Variants in PPP1R14C observed in about 807,000 individuals in gnomAD.
The protein encoded by PPP1R14C is protein phosphatase 1 regulatory inhibitor subunit 14C.
PPP1R14C carries 16 observed loss-of-function variants against 20.4 expected under a neutral mutation model. The observed-to-expected ratio is 0.78, with a 90% CI of 0.53 to 1.19. The LOEUF (loss-of-function observed/expected upper bound fraction) is 1.19. Ranked by LOEUF, PPP1R14C falls within the 50% of genes most tolerant of loss-of-function variation. PPP1R14C has a pLI of 0.00. For missense variants in PPP1R14C, 211 were observed against 220.1 expected (o/e 0.96, Z 0.26); for synonymous variants, 91 against 91.0 (o/e 1.00, Z 0.00).
intron 1 of PPP1R14C, among the ~76,000 whole-genome samples, chr6:150,199,846 G>A (rs886515804): frequency 6.8e-6 from 1 of 147,842 alleles, no homozygotes; most frequent in Non-Finnish European, 1.5e-5. Context: ...TATAGCCTGG[G>A]TGACAGAGCG....
intron 1 of PPP1R14C, among the ~76,000 whole-genome samples, chr6:150,204,531 T>C (rs116939776): frequency 3.9e-5 from 6 of 152,252 alleles, no homozygotes; most frequent in Admixed American, 3.3e-4. Flanking sequence ...AGGAATCGGA[T>C]GTGCCCAGTC....
Position 150,143,061 on chromosome 6 carries a change from G to A in PPP1R14C, c.-132G>A. The A allele has an allele frequency of 9.3e-7, 1 of 1,078,820 alleles. No homozygotes were observed. The highest frequency in any genetic ancestry group is 1.1e-6 in the Non-Finnish European group (1 of 894,526). 66.8% of individuals were successfully genotyped at this position (1,078,820 alleles called of 1,614,324 possible). A position where few individuals can be genotyped will look rare whatever the true frequency, so the allele number is the denominator to read the frequency against. ...GCCCTCCCAGAGCAGCCGGGCGGCT[G>A]GGCGCGCGCGGCGCAGAGCAGGTGC... On this transcript the variant is annotated 5_prime_UTR_variant, in exon 1 of 4. Transcript: ENST00000361131. This position sits in a 1 kb window ranked among gnomAD's most constrained non-coding sequence, Gnocchi z 5.6.
intron 1 of PPP1R14C, among the ~76,000 whole-genome samples, chr6:150,206,776 A>C (rs1287603217): frequency 6.6e-6 from 1 of 152,080 alleles, no homozygotes; most frequent in Non-Finnish European, 1.5e-5. Context: ...ATTCCTGTAA[A>C]TATTATGTAA....
intron 3 of PPP1R14C, among the ~76,000 whole-genome samples, chr6:150,218,853 T>C (rs1043274335): frequency 1.3e-5 from 2 of 152,220 alleles, no homozygotes; most frequent in Non-Finnish European, 2.9e-5. Flanking sequence ...GGTCTCACTA[T>C]GTTGCCCAGA....
intron 1 of PPP1R14C, among the ~76,000 whole-genome samples, chr6:150,206,899 C>G (rs1376372645): frequency 1.3e-5 from 2 of 150,404 alleles, no homozygotes; most frequent in African/African-American, 4.9e-5. Context: ...GAGTCTCGCT[C>G]TGTTGTCCGG....
intron 1 of PPP1R14C, among the ~76,000 whole-genome samples, chr6:150,161,697 C>T (rs976414867): frequency 1.3e-5 from 2 of 152,194 alleles, no homozygotes; most frequent in African/African-American, 2.4e-5. Flanking sequence ...TAGAAGATGG[C>T]GCTTATATGC....
intron 1 of PPP1R14C, among the ~76,000 whole-genome samples, chr6:150,177,582 C>G (rs1045089756): frequency 1.3e-5 from 2 of 152,214 alleles, no homozygotes; most frequent in African/African-American, 4.8e-5. Flanking sequence ...CAGTCCCTCT[C>G]TGTCTCTCTC....
chr6:150,175,301 G>C (rs183563162), intron 1 of PPP1R14C, among the ~76,000 whole-genome samples: 1 of 152,142 alleles, frequency 6.6e-6, no homozygotes, highest in South Asian at 2.1e-4. Flanking sequence ...GAGTTGGAAG[G>C]GGCCCCCACT....
At position 150,199,880 on chromosome 6, in the gene PPP1R14C, A is replaced by AG. The variant is rs1777855519; in HGVS notation, c.307-14864_307-14863insG. On this transcript the variant is annotated intron_variant, in intron 1 of 3. Coordinates refer to ENST00000361131, the MANE Select transcript of PPP1R14C (RefSeq NM_030949.3). ...CGAGAGCCTGTCTCTAAAAAAAAAAAAAATCTGTTCTTTATACATTACCCA... is the reference window on the plus strand; with the variant it reads ...CGAGAGCCTGTCTCTAAAAAAAAAAAGAAATCTGTTCTTTATACATTACCCA... Among the ~76,000 whole-genome samples, 23 of 151,658 alleles carry AG rather than the reference A, an allele frequency of 1.5e-4. 1 individual carries two copies. In the South Asian group the frequency reaches 4.8e-3, roughly 32 times the overall value.
At chr6:150,191,755 A>G (rs892591079) in intron 1 of PPP1R14C, among the ~76,000 whole-genome samples, 5 of 152,194 alleles carry the variant, frequency 3.3e-5, no homozygotes, top group African/African-American at 9.7e-5. Context: ...CATCTCAGAG[A>G]GTATAGGGGA....
At chr6:150,181,618 A>T (rs1378017149) in intron 1 of PPP1R14C, among the ~76,000 whole-genome samples, 1 of 152,108 alleles carries the variant, frequency 6.6e-6, no homozygotes, top group Non-Finnish European at 1.5e-5. Flanking sequence ...TTTTTTGCTG[A>T]TATCTTAATT....
intron 1 of PPP1R14C, among the ~76,000 whole-genome samples, chr6:150,210,276 C>T (rs780098603): frequency 1.3e-5 from 2 of 152,154 alleles, no homozygotes; most frequent in African/African-American, 2.4e-5. Flanking sequence ...GGTGTGCTCC[C>T]GTCATTACTG....
rs1196044534 is a variant in PPP1R14C at position 150,248,733 on chromosome 6, T to G, written c.424-13T>G. 2.5e-6 allele frequency: 4 copies of G among 1,587,596 alleles called. No individual in the cohort carries two copies. Among genetic ancestry groups the G allele is most frequent in the Middle Eastern group, 1.7e-4 (1 of 6,010 alleles). On this transcript the variant is annotated splice_polypyrimidine_tract_variant and intron_variant, in intron 3 of 3. Coordinates refer to ENST00000361131, the MANE Select transcript of PPP1R14C (RefSeq NM_030949.3). ...TAGTGACCCTCATATTAACTTCTTCTGATCTCTTTTAGGAATTTATCAAAG... is the reference window on the plus strand; with the variant it reads ...TAGTGACCCTCATATTAACTTCTTCGGATCTCTTTTAGGAATTTATCAAAG...
At chr6:150,148,171 A>T (rs936113984) in intron 1 of PPP1R14C, among the ~76,000 whole-genome samples, 9 of 152,212 alleles carry the variant, frequency 5.9e-5, no homozygotes, top group African/African-American at 1.9e-4. Flanking sequence ...AGAAGCCTAA[A>T]CATGTGTAAT....
chr6:150,229,325 C>T (rs544701282), intron 3 of PPP1R14C, among the ~76,000 whole-genome samples: 20 of 152,244 alleles, frequency 1.3e-4, no homozygotes, highest in African/African-American at 3.6e-4. Context: ...ATTTTAAAGT[C>T]GGAGATTATA....
intron 1 of PPP1R14C, among the ~76,000 whole-genome samples, chr6:150,204,929 A>G (rs1777925568): frequency 6.6e-6 from 1 of 151,382 alleles, no homozygotes; most frequent in South Asian, 2.1e-4. Context: ...TGCAGGAGGA[A>G]GTGGCCTCTT....
chr6:150,167,273 C>T (rs1777432934), intron 1 of PPP1R14C, among the ~76,000 whole-genome samples: 1 of 151,990 alleles, frequency 6.6e-6, no homozygotes, highest in East Asian at 1.9e-4. Context: ...GAGGCTGAGG[C>T]AGGAGAATTG....
In PPP1R14C at chr6:150,249,639, G is replaced by A. The variant is rs1170709506; in HGVS notation, c.*819G>A. The A allele has an allele frequency of 2.5e-6, 1 of 398,162 alleles. No homozygotes were observed. The highest frequency in any genetic ancestry group is 6.3e-4 in the Middle Eastern group (1 of 1,588). The allele number at this position is 398,162 out of a possible 1,614,324, so 24.7% of individuals were successfully genotyped here. ...AGAGAAATATCCACACTATCTCAGT[G>A]GTATTTTGCATTGGAAAAAGGAAGC... On this transcript the variant is annotated 3_prime_UTR_variant, in exon 4 of 4. Transcript: ENST00000361131.
At chr6:150,164,612 T>C in intron 1 of PPP1R14C, 1 of 190,286 alleles carries the variant, frequency 5.3e-6, no homozygotes, top group South Asian at 1.2e-4. Flanking sequence ...GCATGATGAT[T>C]GGGTGTTCAC....
Sources: allele counts gnomAD v4.1 joint callset (sites outside exome capture counted in the v4.1 genomes callset), GRCh38; gene constraint gnomAD v4.1.1; non-coding constraint Gnocchi (gnomAD v3.1); transcripts MANE v1.5; gene names NCBI Gene and HGNC (gene_info 2026-07-23, HGNC 2026-07-21).